Variants in CADM2 observed in about 807,000 individuals in gnomAD.
CADM2 encodes cell adhesion molecule 2.
Under a neutral mutation model 49.8 loss-of-function variants are expected in CADM2, and 12 were observed. The observed-to-expected ratio is 0.24, with a 90% CI of 0.15 to 0.39. CADM2 has a LOEUF of 0.39. Ranked by LOEUF, CADM2 falls within the 10% of genes least tolerant of loss-of-function variation. The probability of loss-of-function intolerance (pLI) is 1.00; values close to 1 mark genes in which losing one functional copy is unlikely to be tolerated. For synonymous variants in CADM2, 214 were observed against 175.4 expected (o/e 1.22, Z -1.74); for missense variants, 378 against 492.3 (o/e 0.77, Z 2.20).
At chr3:85,868,618 T>C (rs1414107916) in intron 3 of CADM2, among the ~76,000 whole-genome samples, 1 of 152,180 alleles carries the variant, frequency 6.6e-6, no homozygotes, top group Non-Finnish European at 1.5e-5. Context: ...AATTACTCCT[T>C]TGTTTTTGAG....
chr3:85,885,787 G>T (rs1461503708), intron 4 of CADM2, among the ~76,000 whole-genome samples: 2 of 145,974 alleles, frequency 1.4e-5, no homozygotes, highest in African/African-American at 2.5e-5. Flanking sequence ...GGGAGGCAAA[G>T]GTTGCAGTGA....
At chr3:85,315,238 C>G (rs2044436753) in intron 1 of CADM2, among the ~76,000 whole-genome samples, 1 of 152,150 alleles carries the variant, frequency 6.6e-6, no homozygotes, top group Non-Finnish European at 1.5e-5. Flanking sequence ...ATCCTCCTGT[C>G]TCAGCCTCTT....
chr3:85,768,422 G>A (rs1356552290), intron 2 of CADM2, among the ~76,000 whole-genome samples: 1 of 149,488 alleles, frequency 6.7e-6, no homozygotes, highest in Non-Finnish European at 1.5e-5. Context: ...CTCCAAACTG[G>A]GCTACAGTGC....
chr3:85,420,238 A>G (rs900497935), intron 1 of CADM2, among the ~76,000 whole-genome samples: 1 of 152,216 alleles, frequency 6.6e-6, no homozygotes, highest in African/African-American at 2.4e-5. Flanking sequence ...TTGCTGCACT[A>G]AAATTACAAG....
intron 1 of CADM2, among the ~76,000 whole-genome samples, chr3:85,427,070 T>A (rs1303832583): frequency 6.6e-6 from 1 of 150,688 alleles, no homozygotes; most frequent in Non-Finnish European, 1.5e-5. Flanking sequence ...TTTGTATATC[T>A]AAATTATATT....
intron 1 of CADM2, among the ~76,000 whole-genome samples, chr3:85,634,743 A>G (rs543804532): frequency 1.8e-4 from 28 of 152,234 alleles, no homozygotes; most frequent in Admixed American, 5.9e-4. Context: ...GTGATAGATC[A>G]ATCATTTTAG....
intron 1 of CADM2, among the ~76,000 whole-genome samples, chr3:85,400,351 C>A (rs1308067944): frequency 6.6e-6 from 1 of 152,142 alleles, no homozygotes. Context: ...TTTTGTTTGC[C>A]AGTATTTTAC....
intron 1 of CADM2, among the ~76,000 whole-genome samples, chr3:85,381,137 A>G (rs1420444834): frequency 6.6e-6 from 1 of 152,056 alleles, no homozygotes; most frequent in Non-Finnish European, 1.5e-5. Context: ...GTACGTGTGT[A>G]TTGCATATAT....
At chr3:85,784,529 TTTATCTATCTATC>T (rs1240385871) in intron 2 of CADM2, among the ~76,000 whole-genome samples, 291 of 136,630 alleles carry the variant, frequency 2.1e-3, no homozygotes, top group African/African-American at 7.8e-3. Flanking sequence ...TCTAAATATA[TTTATCTATCTATC>T]TATCTATCTA....
chr3:85,270,045 G>A (rs1020678257), intron 1 of CADM2, among the ~76,000 whole-genome samples: 5 of 151,114 alleles, frequency 3.3e-5, no homozygotes, highest in African/African-American at 9.7e-5. Context: ...TGTTTTTCAG[G>A]TATCATAGAG....
rs1321651841 is a variant in CADM2, at chr3:85,520,057, A to G, written c.62-206465A>G. On this transcript the variant is annotated intron_variant, in intron 1 of 9. Transcript: ENST00000383699. The stretch of plus-strand genomic sequence containing the variant: ...AGTACTATTGTCCCTGGAGACTATT[A>G]TAAAATATCAGTATGTTAATTCATT... Among the ~76,000 whole-genome samples, 4 of 152,198 alleles carry G rather than the reference A, an allele frequency of 2.6e-5. No homozygotes were observed. The East Asian group carries it at 7.7e-4, about 29-fold the overall frequency.
intron 1 of CADM2, among the ~76,000 whole-genome samples, chr3:85,557,822 A>T (rs752954491): frequency 6.6e-6 from 1 of 152,038 alleles, no homozygotes; most frequent in Non-Finnish European, 1.5e-5. Context: ...CCTGTGCCCT[A>T]TGTGCCATGT....
chr3:85,515,632 T>TA (rs1491095321), intron 1 of CADM2, among the ~76,000 whole-genome samples: 6,190 of 93,748 alleles, frequency 0.066, 178 homozygotes, highest in African/African-American at 0.16. Flanking sequence ...TATATATATA[T>TA]TTTTTTTTTT....
chr3:85,804,835 GA>G (rs1435369400), intron 3 of CADM2, among the ~76,000 whole-genome samples: 2 of 152,062 alleles, frequency 1.3e-5, no homozygotes, highest in Non-Finnish European at 2.9e-5. Context: ...ATTATGAGGA[GA>G]AAAAAAGTCA....
rs191808224 is a variant in CADM2, at chr3:85,018,479, G to A, written c.61+58811G>A. Among the ~76,000 whole-genome samples, 44 of 152,210 alleles carry A rather than the reference G, an allele frequency of 2.9e-4. 1 individual carries two copies. In the East Asian group the frequency reaches 5.6e-3, roughly 19 times the overall value. Reference sequence around the variant, plus strand: ...CGCAACCTCTGTCTCCAGGGTTCAAGCGATTCTCATGCCTCAGGCGCCCGC... The same window carrying A: ...CGCAACCTCTGTCTCCAGGGTTCAAACGATTCTCATGCCTCAGGCGCCCGC... On this transcript the variant is annotated intron_variant, in intron 1 of 9. Transcript: ENST00000383699.
intron 1 of CADM2, among the ~76,000 whole-genome samples, chr3:85,138,486 A>G (rs9869701): frequency 0.036 from 5,446 of 152,254 alleles, 301 homozygotes; most frequent in African/African-American, 0.12. Context: ...TATTGGGCAA[A>G]GATATAAAGT....
chr3:86,065,584 A>G lies in CADM2; in HGVS notation c.971-21A>G, dbSNP rs773376487. On this transcript the variant is annotated intron_variant, in intron 8 of 9. Transcript: ENST00000383699. Reference sequence around the variant, plus strand: ...ACTAAATAACACATTAAATAGAACAATATTTTCCTGTCTTTTCCAGATCCT... The same window carrying G: ...ACTAAATAACACATTAAATAGAACAGTATTTTCCTGTCTTTTCCAGATCCT... 4.4e-6 allele frequency: 7 copies of G among 1,604,552 alleles called. No individual in the cohort carries two copies. In the Admixed American group the frequency reaches 1.2e-4, roughly 28 times the overall value.
intron 1 of CADM2, among the ~76,000 whole-genome samples, chr3:85,424,072 T>G (rs1416562497): frequency 6.6e-6 from 1 of 152,154 alleles, no homozygotes; most frequent in African/African-American, 2.4e-5. Context: ...ATTATTATTA[T>G]AGTTGAAGGT....
chr3:84,975,892 A>G (rs566196821), intron 1 of CADM2, among the ~76,000 whole-genome samples: 7 of 151,970 alleles, frequency 4.6e-5, no homozygotes, highest in African/African-American at 1.4e-4. Flanking sequence ...GGCCTCCCCA[A>G]ACAAAATGAA....
Sources: gnomAD v4.1 joint callset for allele counts (sites outside exome capture counted in the v4.1 genomes callset) on GRCh38, gnomAD v4.1.1 for gene constraint, MANE v1.5 for transcripts, NCBI Gene and HGNC (gene_info 2026-07-23, HGNC 2026-07-21) for gene names.